The following MTOR variants were observed in gnomAD, a reference collection of about 807,000 sequenced individuals.
MTOR encodes the protein mechanistic target of rapamycin kinase, also known as serine/threonine-protein kinase mTOR.
In MTOR, 70 loss-of-function variants were observed where a neutral mutation model predicts 319.8. The observed-to-expected ratio is 0.22, with a 90% CI of 0.18 to 0.27. MTOR has a LOEUF of 0.27. Ranked by LOEUF, MTOR falls within the 10% of genes least tolerant of loss-of-function variation. The probability of loss-of-function intolerance (pLI) is 1.00; values close to 1 mark genes in which losing one functional copy is unlikely to be tolerated. For missense variants in MTOR, 1,890 were observed against 3,274.4 expected, an observed-to-expected ratio of 0.58 and a Z score of 10.32; for synonymous variants, 1,183 against 1,211.4, an observed-to-expected ratio of 0.98 and a Z score of 0.49.
chr1:11,201,964 C>T (rs184681485), intron 26 of MTOR, among the ~76,000 whole-genome samples: 212 of 152,172 alleles, frequency 1.4e-3, no homozygotes, highest in African/African-American at 4.8e-3. Context: ...CATGCCACCA[C>T]GCTTGGCTAA....
chr1:11,155,577 C>G (rs764812521), intron 30 of MTOR, among the ~76,000 whole-genome samples: 45 of 152,118 alleles, frequency 3.0e-4, no homozygotes, highest in Non-Finnish European at 5.9e-4. Context: ...TTTCTGAAGA[C>G]AGGGGGTCAC....
chr1:11,204,424 C>T, intron 26 of MTOR, 137 bp downstream of exon 26: 1 of 1,223,484 alleles, frequency 8.2e-7, no homozygotes, highest in Non-Finnish European at 1.1e-6. Context: ...TTGAATTTGT[C>T]TTTCTCTTTC....
intron 6 of MTOR, among the ~76,000 whole-genome samples, chr1:11,253,619 C>G (rs374484853): frequency 6.6e-6 from 1 of 152,130 alleles, no homozygotes; most frequent in South Asian, 2.1e-4. Flanking sequence ...TCAGGGAGGG[C>G]CTTCCTTGAC....
intron 57 of MTOR, among the ~76,000 whole-genome samples, 160 bp from the exon 58 acceptor site, chr1:11,107,660 C>T (rs1324690389): frequency 2.6e-5 from 4 of 152,164 alleles, no homozygotes; most frequent in Non-Finnish European, 5.9e-5. Flanking sequence ...CATTTCCAGT[C>T]AAGGCTAATG....
rs1643234124 is a variant in MTOR, at chr1:11,133,027, G to T, written c.5364+53C>A. The T allele has an allele frequency of 1.4e-6, 2 of 1,476,750 alleles. No individual in the cohort carries two copies. The highest frequency in any genetic ancestry group is 1.1e-5 in the South Asian group (1 of 88,074). The allele number at this position is 1,476,750 out of a possible 1,614,324, so 91.5% of individuals were successfully genotyped here. A position where few individuals can be genotyped will look rare whatever the true frequency, so the allele number is the denominator to read the frequency against. On this transcript the variant is annotated intron_variant, in intron 38 of 57. Coordinates refer to ENST00000361445, the MANE Select transcript of MTOR (RefSeq NM_004958.4). This position sits in a 1 kb window ranked among gnomAD's most constrained non-coding sequence, Gnocchi z 4.0. ...CAGCTGTAACCACGAGCACACAGGA[G>T]GACACGAGCCAGCCAGGGTGCTGGG...
intron 28 of MTOR, among the ~76,000 whole-genome samples, chr1:11,190,817 C>G (rs1416330481): frequency 6.6e-6 from 1 of 152,126 alleles, no homozygotes; most frequent in Non-Finnish European, 1.5e-5. Flanking sequence ...ATATAAAAAC[C>G]ATTGGTCCCA....
At chr1:11,174,007 C>T (rs890611387) in intron 28 of MTOR, among the ~76,000 whole-genome samples, 1 of 152,130 alleles carries the variant, frequency 6.6e-6, no homozygotes, top group Non-Finnish European at 1.5e-5. Flanking sequence ...TTATTTCGAC[C>T]CTGTGAAACT....
At chr1:11,229,413 A>C (rs1014810199) in intron 18 of MTOR, among the ~76,000 whole-genome samples, 2 of 152,262 alleles carry the variant, frequency 1.3e-5, no homozygotes, top group Admixed American at 6.5e-5. Context: ...GGGCAGTGGC[A>C]AGGGAGGGAG....
rs2100430107 is a variant in MTOR at position 11,130,567 on chromosome 1, T to C, written c.5575A>G (p.Ser1859Gly). ...SESEAESTEN[S>G]PTPSPLQKKV... ...TTCTGCAGCGGCGATGGGGTGGGGCTGTTCTCGGTGCTCTCGGCCTCGCTC... is the reference window on the plus strand; with the variant it reads ...TTCTGCAGCGGCGATGGGGTGGGGCCGTTCTCGGTGCTCTCGGCCTCGCTC... Residue 1859 changes from serine to glycine, a missense_variant, in exon 39 of 58, where the codon AGC becomes GGC. Physicochemically the swap from Ser to Gly is moderately conservative, Grantham distance 56. This residue lies in a region of MTOR where 91 missense variants were observed against 90.4 expected (regional missense o/e 1.01). Transcript: ENST00000361445. 6.2e-7 allele frequency: 1 copy of C among 1,613,594 alleles called. No individual in the cohort carries two copies. The highest frequency in any genetic ancestry group is 1.1e-5 in the South Asian group (1 of 91,046).
At chr1:11,138,471 A>C (rs1643536276) in intron 36 of MTOR, among the ~76,000 whole-genome samples, 1 of 152,206 alleles carries the variant, frequency 6.6e-6, no homozygotes, top group Admixed American at 6.5e-5. Flanking sequence ...TCATGTATAA[A>C]ATTAGTCAAT....
chr1:11,194,544 G>C, intron 28 of MTOR: 1 of 1,614,074 alleles, frequency 6.2e-7, no homozygotes, highest in Middle Eastern at 1.6e-4. Context: ...TCTTCCTGGG[G>C]AACTACACTG....
chr1:11,144,941 A>T (rs2100508925), intron 33 of MTOR, 27 bp downstream of exon 33: 1 of 1,610,180 alleles, frequency 6.2e-7, no homozygotes, highest in Non-Finnish European at 8.5e-7. Flanking sequence ...CTCAAAAATG[A>T]CAATGTGCAG....
At chr1:11,243,451 G>A in intron 8 of MTOR, 151 bp from the exon 9 acceptor site, 1 of 700,690 alleles carries the variant, frequency 1.4e-6, no homozygotes, top group Non-Finnish European at 2.3e-6. Flanking sequence ...CAACACTTTG[G>A]GAGGCCAAGG....
rs560578791 is a variant in MTOR, at chr1:11,161,349, C to T, written c.4330-4058G>A. Among the ~76,000 whole-genome samples, 286 of 152,326 alleles carry T rather than the reference C, an allele frequency of 1.9e-3. 3 individuals carry two copies. Among genetic ancestry groups the T allele is most frequent in the African/African-American group, 6.6e-3 (276 of 41,576 alleles). Reference sequence around the variant, plus strand: ...GGCCTGCCTGCCTCTGTAGACTCCACCTCTAGGGGCAGGGCATAGCTGAAC... The same window carrying T: ...GGCCTGCCTGCCTCTGTAGACTCCATCTCTAGGGGCAGGGCATAGCTGAAC... On this transcript the variant is annotated intron_variant, in intron 29 of 57. Transcript: ENST00000361445.
At chr1:11,110,793 G>A (rs1407066894) in intron 54 of MTOR, among the ~76,000 whole-genome samples, 1 of 152,154 alleles carries the variant, frequency 6.6e-6, no homozygotes, top group Non-Finnish European at 1.5e-5. Flanking sequence ...CTGGGCTCAA[G>A]TGCTCCTCCT....
chr1:11,251,378 C>T (rs1023683959), intron 6 of MTOR, among the ~76,000 whole-genome samples: 9 of 152,158 alleles, frequency 5.9e-5, no homozygotes, highest in African/African-American at 9.7e-5. Context: ...CAAATAGCAC[C>T]GTGTTTTAAA....
intron 8 of MTOR, among the ~76,000 whole-genome samples, chr1:11,244,511 A>C (rs1378290708): frequency 6.6e-6 from 1 of 151,466 alleles, no homozygotes; most frequent in Non-Finnish European, 1.5e-5. Context: ...TGCGCCTGTA[A>C]TCCCAGCTAC....
At position 11,234,196 on chromosome 1, in the gene MTOR, G is replaced by C; in HGVS notation, c.2278C>G (p.Leu760Val). ...ATGAGTCGGGGGGCATTGGAGACCA[G>C]GTGCCCCAGCATGCGGGCACTCTGC... Reference protein sequence around the residue: ...KEQSARMLGHLVSNAPRLIRP... With the variant: ...KEQSARMLGHVVSNAPRLIRP... The change falls in exon 14 of 58, where the codon CTG becomes GTG. Residue 760 changes from leucine to valine, a missense_variant. Physicochemically the swap from Leu to Val is conservative, Grantham distance 32. Transcript: ENST00000361445. 1 of 1,614,094 alleles carries C rather than the reference G, an allele frequency of 6.2e-7. No individual in the cohort carries two copies. The highest frequency in any genetic ancestry group is 1.1e-5 in the South Asian group (1 of 91,078).
chr1:11,252,871 C>T (rs1344305084), intron 6 of MTOR, among the ~76,000 whole-genome samples: 3 of 152,172 alleles, frequency 2.0e-5, no homozygotes, highest in South Asian at 2.1e-4. Context: ...CCCAGACTAC[C>T]GTAATAGCTT....
Sources: allele counts gnomAD v4.1 joint callset (sites outside exome capture counted in the v4.1 genomes callset), GRCh38; gene constraint gnomAD v4.1.1; regional missense constraint gnomAD v4.1.1; non-coding constraint Gnocchi (gnomAD v3.1); transcripts MANE v1.5; gene names NCBI Gene and HGNC (gene_info 2026-07-23, HGNC 2026-07-21).